RAPGEF6: variants seen among roughly 807,000 people sequenced by gnomAD.
RAPGEF6 encodes Rap guanine nucleotide exchange factor 6, also known as PDZ domain containing guanine nucleotide exchange factor (GEF) 2.
Under a neutral mutation model 171.4 loss-of-function variants are expected in RAPGEF6, and 56 were observed. The ratio of observed to expected loss-of-function variants is 0.33; its 90% CI spans 0.26 to 0.41. The LOEUF is 0.41. Ranked by LOEUF, RAPGEF6 falls within the 10% of genes least tolerant of loss-of-function variation. The pLI is 1.00. For missense variants in RAPGEF6, 1,674 were observed against 1,921.4 expected, an observed-to-expected ratio of 0.87 and a Z score of 2.41; for synonymous variants, 692 against 650.1, an observed-to-expected ratio of 1.06 and a Z score of -0.98.
intron 24 of RAPGEF6, among the ~76,000 whole-genome samples, chr5:131,436,649 T>C (rs115719640): frequency 2.0e-5 from 3 of 152,082 alleles, no homozygotes; most frequent in African/African-American, 7.2e-5. Context: ...AAAAAAACTG[T>C]TGAAAGGAAG....
intron 1 of RAPGEF6, among the ~76,000 whole-genome samples, chr5:131,629,931 A>G (rs1330231090): frequency 6.6e-6 from 1 of 152,208 alleles, no homozygotes; most frequent in African/African-American, 2.4e-5. Context: ...AAGATGATGT[A>G]CATATTGTTC....
chr5:131,499,164 A>G (rs1561513430), intron 11 of RAPGEF6, among the ~76,000 whole-genome samples: 1 of 152,250 alleles, frequency 6.6e-6, no homozygotes, highest in African/African-American at 2.4e-5. Context: ...TTCCTTTTCT[A>G]CAGTTCCTCT....
intron 6 of RAPGEF6, among the ~76,000 whole-genome samples, chr5:131,534,608 T>TTG (rs1759634678): frequency 1.3e-5 from 2 of 150,896 alleles, no homozygotes; most frequent in African/African-American, 4.9e-5. Flanking sequence ...ACCAATGTGT[T>TTG]TTTTTTTTTT....
intron 3 of RAPGEF6, among the ~76,000 whole-genome samples, chr5:131,602,920 A>G (rs1370496301): frequency 6.6e-6 from 1 of 152,214 alleles, no homozygotes. Context: ...TTATTAAGTA[A>G]AAAAGCATCA....
chr5:131,474,994 C>T (rs1373339202), intron 16 of RAPGEF6, among the ~76,000 whole-genome samples: 4 of 152,178 alleles, frequency 2.6e-5, no homozygotes, highest in Non-Finnish European at 5.9e-5. Context: ...AGCTGAATCA[C>T]TATACAAATT....
At chr5:131,500,052 C>T (rs1323838329) in intron 11 of RAPGEF6, among the ~76,000 whole-genome samples, 1 of 152,126 alleles carries the variant, frequency 6.6e-6, no homozygotes, top group Non-Finnish European at 1.5e-5. Flanking sequence ...GCATGCACCA[C>T]TATGCCCAGC....
chr5:131,609,503 A>C (rs1764815032), intron 1 of RAPGEF6, among the ~76,000 whole-genome samples: 1 of 152,190 alleles, frequency 6.6e-6, no homozygotes, highest in South Asian at 2.1e-4. Flanking sequence ...CCATGAAGAT[A>C]AAAAAGGATA....
At chr5:131,576,572 C>T (rs915061166) in intron 4 of RAPGEF6, among the ~76,000 whole-genome samples, 2 of 152,288 alleles carry the variant, frequency 1.3e-5, no homozygotes, top group Middle Eastern at 3.4e-3. Context: ...CAAGGGGCAT[C>T]AAAGGTCACC....
chr5:131,594,943 G>T (rs1416184731), intron 3 of RAPGEF6, among the ~76,000 whole-genome samples: 1 of 152,162 alleles, frequency 6.6e-6, no homozygotes, highest in African/African-American at 2.4e-5. Flanking sequence ...CTCATAGGTG[G>T]AAGGGACTTC....
At chr5:131,541,919 T>G (rs1449333983) in intron 6 of RAPGEF6, among the ~76,000 whole-genome samples, 1 of 152,172 alleles carries the variant, frequency 6.6e-6, no homozygotes, top group Non-Finnish European at 1.5e-5. Flanking sequence ...AAAATCAGAT[T>G]CATCATTTCT....
In RAPGEF6 at chr5:131,562,062, A is replaced by G; in HGVS notation, c.282-15T>C. 6.6e-7 allele frequency: 1 copy of G among 1,521,074 alleles called. No homozygotes were observed. The highest frequency in any genetic ancestry group is 8.9e-7 in the Non-Finnish European group (1 of 1,121,106). 94.2% of individuals were successfully genotyped at this position (1,521,074 alleles called of 1,614,324 possible). ...GCTTACCAAAACTATAAAAACAGAA[A>G]AACAATTTCTTTAGCAAAGGTTATT... On this transcript the variant is annotated splice_polypyrimidine_tract_variant and intron_variant, in intron 4 of 27. Coordinates refer to ENST00000509018, the MANE Select transcript of RAPGEF6 (RefSeq NM_016340.6).
intron 8 of RAPGEF6, among the ~76,000 whole-genome samples, chr5:131,509,475 G>A (rs951900709): frequency 6.6e-6 from 1 of 151,810 alleles, no homozygotes; most frequent in Non-Finnish European, 1.5e-5. Context: ...CCCGGGAGGC[G>A]GAGCTTGCAG....
chr5:131,559,193 G>A (rs1761433482), intron 5 of RAPGEF6, among the ~76,000 whole-genome samples: 2 of 152,120 alleles, frequency 1.3e-5, no homozygotes, highest in South Asian at 2.1e-4. Context: ...GCTGCACGTG[G>A]TGGCGCACAC....
intron 1 of RAPGEF6, among the ~76,000 whole-genome samples, chr5:131,627,535 G>A (rs1766012101): frequency 2.0e-5 from 3 of 152,168 alleles, no homozygotes; most frequent in Admixed American, 2.0e-4. Flanking sequence ...GGAAATATAA[G>A]GAGTTCATTC....
chr5:131,598,421 G>A (rs182484498), intron 3 of RAPGEF6, among the ~76,000 whole-genome samples: 2 of 152,048 alleles, frequency 1.3e-5, no homozygotes, highest in Non-Finnish European at 1.5e-5. Context: ...TTCCAAAATC[G>A]ATGAAAGATA....
intron 7 of RAPGEF6, among the ~76,000 whole-genome samples, chr5:131,516,043 AT>A (rs1400646724): frequency 3.0e-5 from 4 of 133,148 alleles, no homozygotes; most frequent in Non-Finnish European, 6.3e-5. Flanking sequence ...CTCAGATGAT[AT>A]CCTTTTTTTT....
intron 15 of RAPGEF6, among the ~76,000 whole-genome samples, chr5:131,486,343 T>C (rs1279076702): frequency 1.3e-5 from 2 of 152,206 alleles, no homozygotes; most frequent in Non-Finnish European, 2.9e-5. Flanking sequence ...GATTGTTATG[T>C]TTGTTTATAG....
chr5:131,614,657 G>T (rs896640412), intron 1 of RAPGEF6, among the ~76,000 whole-genome samples: 15 of 152,186 alleles, frequency 9.9e-5, no homozygotes, highest in Admixed American at 9.2e-4. Flanking sequence ...TTTGGGTGGG[G>T]ACACAGAGCC....
chr5:131,516,503 C>A (rs530413281), intron 7 of RAPGEF6, among the ~76,000 whole-genome samples: 3 of 152,220 alleles, frequency 2.0e-5, no homozygotes, highest in African/African-American at 7.2e-5. Context: ...GAGGTGGTAA[C>A]TGAAGTCTTG....
Sources: allele counts gnomAD v4.1 joint callset (sites outside exome capture counted in the v4.1 genomes callset), GRCh38; gene constraint gnomAD v4.1.1; transcripts MANE v1.5; gene names NCBI Gene and HGNC (gene_info 2026-07-23, HGNC 2026-07-21).